EFR3B: variants seen among roughly 807,000 people sequenced by gnomAD.
The protein encoded by EFR3B is EFR3 homolog B, also known as protein EFR3 homolog B.
Under a neutral mutation model 104.7 loss-of-function variants are expected in EFR3B, and 64 were observed. The ratio of observed to expected loss-of-function variants is 0.61; its 90% confidence interval spans 0.50 to 0.75. EFR3B has a LOEUF of 0.75. EFR3B is among the 30% of genes least tolerant of loss of function. The pLI, the probability that EFR3B is intolerant of heterozygous loss-of-function variation, is 0.00. For missense variants in EFR3B, 750 were observed against 1,078.5 expected, an observed-to-expected ratio of 0.70 and a Z score of 4.27; for synonymous variants, 385 against 417.9, an observed-to-expected ratio of 0.92 and a Z score of 0.96.
chr2:25,141,547 AAGG>A, intron 17 of EFR3B, 114 bp downstream of exon 17: 1 of 1,098,996 alleles, frequency 9.1e-7, no homozygotes, highest in Non-Finnish European at 1.3e-6. Context: ...CTGTGGACTC[AAGG>A]GCAGAAGGTG....
chr2:25,146,489 G>A (rs567310589), intron 19 of EFR3B: 49 of 152,350 alleles, frequency 3.2e-4, no homozygotes, highest in African/African-American at 1.2e-3. Context: ...CAGCTCCAAG[G>A]ACTGGGAACC....
chr2:25,113,412 G>A (rs1206585727), intron 4 of EFR3B, among the ~76,000 whole-genome samples: 4 of 152,268 alleles, frequency 2.6e-5, no homozygotes, highest in South Asian at 2.1e-4. Context: ...CAGGCCGGGC[G>A]CGGGGGCTCA....
chr2:25,121,643 T>C (rs1558610323), intron 4 of EFR3B, 30 bp from the exon 5 acceptor site: 13 of 1,551,492 alleles, frequency 8.4e-6, no homozygotes, highest in East Asian at 7.3e-5. Flanking sequence ...GTCACCTCTC[T>C]CGTGTGTTTC....
intron 20 of EFR3B, 64 bp from the exon 21 acceptor site, chr2:25,151,850 G>C: frequency 6.6e-7 from 1 of 1,519,642 alleles, no homozygotes; most frequent in East Asian, 2.5e-5. Flanking sequence ...GTGCTCCCTG[G>C]AGGAGTCCCT....
rs1669805788 is a variant in EFR3B, at chr2:25,114,428, T to C, written c.364-7245T>C. 6.6e-6 allele frequency among the ~76,000 whole-genome samples: 1 copy of C among 152,194 alleles called. No individual in the cohort carries two copies. The highest frequency in any genetic ancestry group is 2.4e-5 in the African/African-American group (1 of 41,448). ...GAGATCCTGGTACCAAAAAGGTGCTTATTTTATTAGATAGCCCTGTTGCAC... is the reference window on the plus strand; with the variant it reads ...GAGATCCTGGTACCAAAAAGGTGCTCATTTTATTAGATAGCCCTGTTGCAC... On this transcript the variant is annotated intron_variant, in intron 4 of 22. Coordinates refer to ENST00000403714, the MANE Select transcript of EFR3B (RefSeq NM_014971.2). The surrounding 1 kb of genome is among the most constrained non-coding windows in gnomAD (Gnocchi z 4.0).
intron 1 of EFR3B, among the ~76,000 whole-genome samples, chr2:25,052,276 T>TTC (rs1323488616): frequency 1.3e-5 from 2 of 151,436 alleles, no homozygotes; most frequent in African/African-American, 4.9e-5. Context: ...GAGAACACAT[T>TTC]TCTCTTGTTC....
At chr2:25,150,228 A>T (rs552840703) in intron 20 of EFR3B, among the ~76,000 whole-genome samples, 16 of 145,436 alleles carry the variant, frequency 1.1e-4, no homozygotes, top group Non-Finnish European at 2.4e-4. Context: ...TGAACCTAGG[A>T]GGCGGAGGTT....
chr2:25,075,601 T>C (rs1668610536), intron 1 of EFR3B, among the ~76,000 whole-genome samples: 1 of 152,230 alleles, frequency 6.6e-6, no homozygotes, highest in Admixed American at 6.5e-5. Flanking sequence ...CCTGATTATA[T>C]GTTCCATGTT....
chr2:25,093,469 G>A (rs1219828891), intron 3 of EFR3B, among the ~76,000 whole-genome samples: 1 of 151,870 alleles, frequency 6.6e-6, no homozygotes, highest in African/African-American at 2.4e-5. Context: ...ATTCCAACAT[G>A]GGTGACTCTC....
rs141068645 is a variant in EFR3B at position 25,136,634 on chromosome 2, G to A, written c.1560+36G>A. On this transcript the variant is annotated intron_variant, in intron 14 of 22. Transcript: ENST00000403714. The surrounding 1 kb of genome is among the most constrained non-coding windows in gnomAD (Gnocchi z 4.0). ...ATGACCTCCAGGCACAGTGAAGGGCGGGCACGGTGGCTCACGCCTGCAATC... is the reference window on the plus strand; with the variant it reads ...ATGACCTCCAGGCACAGTGAAGGGCAGGCACGGTGGCTCACGCCTGCAATC... The A allele has an allele frequency of 2.9e-4, 452 of 1,533,606 alleles. 1 individual carries two copies. The African/African-American group carries it at 5.6e-3, about 19-fold the overall frequency. The allele number at this position is 1,533,606 out of a possible 1,614,324, so 95.0% of individuals were successfully genotyped here. A position where few individuals can be genotyped will look rare whatever the true frequency, so the allele number is the denominator to read the frequency against.
rs1284584943 is a variant in EFR3B, at chr2:25,130,163, A to T, written c.770+54A>T. 1 of 1,548,540 alleles carries T rather than the reference A, an allele frequency of 6.5e-7. No individual in the cohort carries two copies. The highest frequency in any genetic ancestry group is 8.7e-7 in the Non-Finnish European group (1 of 1,144,604). On this transcript the variant is annotated intron_variant, in intron 7 of 22. Transcript: ENST00000403714. The surrounding 1 kb of genome is among the most constrained non-coding windows in gnomAD (Gnocchi z 4.6). Reference sequence around the variant, plus strand: ...CCAGCCTTCAGCCTGGATGTGTTTCAGGTCCCTGGCATCTCCTGGCTGGCT... The same window carrying T: ...CCAGCCTTCAGCCTGGATGTGTTTCTGGTCCCTGGCATCTCCTGGCTGGCT...
chr2:25,061,365 A>G (rs539405654), intron 1 of EFR3B, among the ~76,000 whole-genome samples: 45 of 151,078 alleles, frequency 3.0e-4, no homozygotes, highest in African/African-American at 1.0e-3. Flanking sequence ...CCCCTGCCTT[A>G]GCCTCCCAAA....
chr2:25,101,448 C>T (rs562583910), intron 3 of EFR3B, among the ~76,000 whole-genome samples: 13 of 152,172 alleles, frequency 8.5e-5, no homozygotes, highest in Non-Finnish European at 1.6e-4. Context: ...CTCTCAGGCT[C>T]AAGCGATCCT....
chr2:25,129,349 C>T (rs896375573), intron 6 of EFR3B, among the ~76,000 whole-genome samples: 1 of 16,052 alleles, frequency 6.2e-5, no homozygotes, highest in East Asian at 5.7e-3. Context: ...GGGGCGGGGG[C>T]GGGGCGTGGG....
chr2:25,136,612 A>C lies in EFR3B; in HGVS notation c.1560+14A>C, dbSNP rs780024198. The C allele has an allele frequency of 5.2e-6, 8 of 1,549,440 alleles. No homozygotes were observed. In the South Asian group the frequency reaches 9.5e-5, roughly 18 times the overall value. On this transcript the variant is annotated intron_variant, in intron 14 of 22. Coordinates refer to ENST00000403714, the MANE Select transcript of EFR3B (RefSeq NM_014971.2). The surrounding 1 kb of genome is among the most constrained non-coding windows in gnomAD (Gnocchi z 4.0). ...TTCATGAAGAAGGTAAACAAGCATG[A>C]CCTCCAGGCACAGTGAAGGGCGGGC... is the stretch of plus-strand genomic sequence containing the variant.
chr2:25,110,376 C>T (rs962345410), intron 4 of EFR3B, among the ~76,000 whole-genome samples: 33 of 152,150 alleles, frequency 2.2e-4, no homozygotes, highest in Non-Finnish European at 4.1e-4. Flanking sequence ...CCTCCTCTCA[C>T]GTCCTCCAAG....
intron 4 of EFR3B, among the ~76,000 whole-genome samples, chr2:25,104,248 G>A (rs753014692): frequency 6.6e-6 from 1 of 151,898 alleles, no homozygotes; most frequent in Non-Finnish European, 1.5e-5. Flanking sequence ...CCTGTAATCC[G>A]ATCCCAGCTA....
chr2:25,089,076 T>C (rs988477889), intron 1 of EFR3B, among the ~76,000 whole-genome samples: 2 of 152,082 alleles, frequency 1.3e-5, no homozygotes, highest in Non-Finnish European at 2.9e-5. Context: ...GGGAAGGATA[T>C]AGCAAGGGGT....
Position 25,103,802 on chromosome 2 carries a change from A to G in EFR3B, c.363+15A>G. 6.4e-7 allele frequency: 1 copy of G among 1,550,480 alleles called. No homozygotes were observed. The highest frequency in any genetic ancestry group is 8.7e-7 in the Non-Finnish European group (1 of 1,146,258). On this transcript the variant is annotated intron_variant, in intron 4 of 22. Transcript: ENST00000403714. ...GCACCAACTCGGTAAGGAGCGGCCC[A>G]GGGGGCTCCAGGTCTCCCAGCCGCA...
Sources: allele counts gnomAD v4.1 joint callset (sites outside exome capture counted in the v4.1 genomes callset), GRCh38; gene constraint gnomAD v4.1.1; non-coding constraint Gnocchi (gnomAD v3.1); transcripts MANE v1.5; gene names NCBI Gene and HGNC (gene_info 2026-07-23, HGNC 2026-07-21).